Variants in SVIL observed in about 807,000 individuals in gnomAD.
SVIL encodes the protein supervillin, also known as archvillin.
In SVIL, 101 loss-of-function variants were observed where a neutral mutation model predicts 240.4. That is an observed-to-expected ratio of 0.42 (90% confidence interval 0.36 to 0.50). The LOEUF (loss-of-function observed/expected upper bound fraction) is 0.50. SVIL is among the 20% of genes least tolerant of loss of function. The pLI is 0.01. For missense variants in SVIL, 2,512 were observed against 2,818.7 expected (o/e 0.89, Z 2.46); for synonymous variants, 999 against 1,100.0 (o/e 0.91, Z 1.82).
chr10:29,588,620 G>T (rs933900622), intron 1 of SVIL, among the ~76,000 whole-genome samples: 21 of 152,142 alleles, frequency 1.4e-4, no homozygotes, highest in Admixed American at 1.4e-3. Flanking sequence ...GAAATTCTCT[G>T]ACAGAGCGTG....
intron 1 of SVIL, among the ~76,000 whole-genome samples, chr10:29,572,636 C>T (rs1955479759): frequency 2.0e-5 from 3 of 151,846 alleles, no homozygotes; most frequent in African/African-American, 7.3e-5. Flanking sequence ...TGGTGGTACA[C>T]ACCTATAGTC....
Position 29,550,692 on chromosome 10 carries a change from C to T in SVIL, c.732G>A (p.Arg244=), listed in dbSNP as rs1358929979. ...GRDSSFTEVP[R]SPKHAHSSSL... is the part of the protein sequence containing the mutation. The stretch of plus-strand genomic sequence containing the variant: ...AGGAGCTGTGGGCGTGCTTGGGGGA[C>T]CGTGGCACTTCAGTGAAGGAGGAGT... The change falls in exon 6 of 38, where the codon CGG becomes CGA. Residue 244 remains arginine, a synonymous_variant. Transcript: ENST00000355867. 6.2e-7 allele frequency: 1 copy of T among 1,614,052 alleles called. No individual in the cohort carries two copies. The highest frequency in any genetic ancestry group is 1.1e-5 in the South Asian group (1 of 91,080).
chr10:29,527,776 A>AATG (rs1299345569), intron 12 of SVIL, among the ~76,000 whole-genome samples: 1 of 136,094 alleles, frequency 7.3e-6, no homozygotes, highest in Non-Finnish European at 1.5e-5. Context: ...CCCAGGCTGG[A>AATG]ATGCAGTGGC....
At chr10:29,610,215 C>A (rs909982972) in intron 1 of SVIL, among the ~76,000 whole-genome samples, 32 of 152,134 alleles carry the variant, frequency 2.1e-4, no homozygotes, top group African/African-American at 7.5e-4. Flanking sequence ...TCACGCCCCA[C>A]CCTCGTCCCT....
intron 36 of SVIL, 28 bp from the exon 37 acceptor site, chr10:29,458,617 G>T (rs1943848195): frequency 6.2e-7 from 1 of 1,605,722 alleles, no homozygotes. Flanking sequence ...GCAGAGAGGA[G>T]AGCTCGTGTC....
intron 2 of SVIL, among the ~76,000 whole-genome samples, chr10:29,563,773 T>C (rs979913452): frequency 1.2e-4 from 18 of 152,176 alleles, no homozygotes; most frequent in African/African-American, 4.3e-4. Flanking sequence ...GTCAAAAGTT[T>C]GGAAAGCCTC....
At chr10:29,624,565 C>T (rs1311588520) in intron 1 of SVIL, among the ~76,000 whole-genome samples, 1 of 152,070 alleles carries the variant, frequency 6.6e-6, no homozygotes. Flanking sequence ...GCCTGCTCAA[C>T]AAAATCATTT....
At chr10:29,578,157 C>A (rs945582967) in intron 1 of SVIL, among the ~76,000 whole-genome samples, 1 of 152,174 alleles carries the variant, frequency 6.6e-6, no homozygotes, top group African/African-American at 2.4e-5. Flanking sequence ...GATGCACACA[C>A]ACCTAATCAG....
At position 29,533,087 on chromosome 10, in the gene SVIL, G is replaced by A; in HGVS notation, c.1280C>T (p.Ala427Val). 6.2e-7 allele frequency: 1 copy of A among 1,613,700 alleles called. No homozygotes were observed. Among genetic ancestry groups the A allele is most frequent in the Non-Finnish European group, 8.5e-7 (1 of 1,179,872 alleles). ...SPVLHVCESK[A>V]EEEEGEGEGE... ...TTCTCCTTCCCCTTCTTCTTCTTCT[G>A]CTTTTGACTCGCAGACATGGAGAAC... The change falls in exon 8 of 38, where the codon GCA becomes GTA. Residue 427 changes from alanine (A) to valine (V), a missense_variant. Coordinates refer to ENST00000355867, the MANE Select transcript of SVIL (RefSeq NM_021738.3).
chr10:29,718,726 G>A (rs1277955656), intron 1 of SVIL, among the ~76,000 whole-genome samples: 2 of 152,112 alleles, frequency 1.3e-5, no homozygotes, highest in African/African-American at 2.4e-5. Context: ...CAAACTACAT[G>A]TGCCTGAGGG....
intron 27 of SVIL, chr10:29,483,886 A>G (rs1220301872): frequency 1.3e-5 from 2 of 152,248 alleles, no homozygotes; most frequent in African/African-American, 2.4e-5. Context: ...AATGGAAAAC[A>G]TTAAAATGTA....
At position 29,524,020 on chromosome 10, in the gene SVIL, C is replaced by T. The variant is rs1307750399; in HGVS notation, c.2594G>A (p.Ser865Asn). The stretch of plus-strand genomic sequence containing the variant: ...AGGTGAGAAAGGAATGAGCTTTCCA[C>T]TCTGCACCTGGAAGGACACAGTTAA... ...VTLGEVEQVQ[S>N]GKLIPFSPAV... The change falls in exon 15 of 38, where the codon AGT (serine) becomes AAT (asparagine). Residue 865 changes from serine (S) to asparagine (N), a missense_variant. Coordinates refer to ENST00000355867, the MANE Select transcript of SVIL (RefSeq NM_021738.3). The T allele has an allele frequency of 1.2e-6, 2 of 1,605,288 alleles. No individual in the cohort carries two copies.
intron 2 of SVIL, among the ~76,000 whole-genome samples, chr10:29,673,988 T>A (rs1441218050): frequency 6.6e-6 from 1 of 152,198 alleles, no homozygotes; most frequent in African/African-American, 2.4e-5. Flanking sequence ...ATGCCTTGTC[T>A]ATAACAAGAG....
chr10:29,512,273 T>G (rs2132488713), intron 17 of SVIL, among the ~76,000 whole-genome samples: 1 of 152,360 alleles, frequency 6.6e-6, no homozygotes, highest in Middle Eastern at 3.4e-3. Context: ...GAAACACGCT[T>G]AAATGATGAA....
At chr10:29,590,128 T>C (rs1956327856) in intron 1 of SVIL, among the ~76,000 whole-genome samples, 1 of 126,496 alleles carries the variant, frequency 7.9e-6, no homozygotes, top group Non-Finnish European at 1.5e-5. Context: ...ATTGCGCCAC[T>C]GCTCTCCAGC....
chr10:29,557,613 A>T (rs1158883129), intron 3 of SVIL, among the ~76,000 whole-genome samples: 2 of 152,226 alleles, frequency 1.3e-5, no homozygotes, highest in Admixed American at 1.3e-4. Context: ...TTAAAAAAAG[A>T]TTACAACAGT....
chr10:29,494,984 T>C lies in SVIL; in HGVS notation c.3771A>G (p.Pro1257=). The change falls in exon 20 of 38, where the codon CCA becomes CCG. Residue 1257 remains proline, a synonymous_variant. Transcript: ENST00000355867. Reference sequence around the variant, plus strand: ...TCAGGTCCGATTCTAACTGCATATCTGGTCTGGCTTCGATATCTAGGCAAG... The same window carrying C: ...TCAGGTCCGATTCTAACTGCATATCCGGTCTGGCTTCGATATCTAGGCAAG... ...SKPLEDIEAR[P]DMQLESDLKL... is the part of the protein sequence containing the mutation. The C allele has an allele frequency of 1.2e-6, 2 of 1,613,882 alleles. No homozygotes were observed. Among genetic ancestry groups the C allele is most frequent in the East Asian group, 2.2e-5 (1 of 44,850 alleles).
chr10:29,524,838 C>T lies in SVIL; in HGVS notation c.2343-123G>A, dbSNP rs552123044. ...CAAAGGGCTTCTTTTTCCCTAAGCA[C>T]GTCTAGGACAGAGGCAGGCAGCTGT... On this transcript the variant is annotated intron_variant, in intron 13 of 37. Coordinates refer to ENST00000355867, the MANE Select transcript of SVIL (RefSeq NM_021738.3). 16 of 1,468,734 alleles carry T rather than the reference C, an allele frequency of 1.1e-5. No individual in the cohort carries two copies. The East Asian group carries it at 1.8e-4, about 17-fold the overall frequency. The allele number at this position is 1,468,734 out of a possible 1,614,324, so 91.0% of individuals were successfully genotyped here. A position where few individuals can be genotyped will look rare whatever the true frequency, so the allele number is the denominator to read the frequency against.
intron 29 of SVIL, among the ~76,000 whole-genome samples, chr10:29,480,314 C>T (rs1243360490): frequency 6.6e-6 from 1 of 152,188 alleles, no homozygotes; most frequent in African/African-American, 2.4e-5. Context: ...TCAATTTCTA[C>T]AGGTGAACAC....
Sources: gnomAD v4.1 joint callset for allele counts (sites outside exome capture counted in the v4.1 genomes callset) on GRCh38, gnomAD v4.1.1 for gene constraint, MANE v1.5 for transcripts, NCBI Gene and HGNC (gene_info 2026-07-23, HGNC 2026-07-21) for gene names.